APIP: variants seen among roughly 807,000 people sequenced by gnomAD.
The protein encoded by APIP is methylthioribulose-1-phosphate dehydratase.
Under a neutral mutation model 32.0 loss-of-function variants are expected in APIP, and 32 were observed. The observed-to-expected ratio is 1.00, with a 90% CI of 0.76 to 1.34. APIP has a LOEUF of 1.34. APIP is among the 40% of genes most tolerant of loss of function. The pLI is 0.00. For missense variants in APIP, 247 were observed against 298.6 expected (o/e 0.83, Z 1.27); for synonymous variants, 92 against 94.8 (o/e 0.97, Z 0.17).
At chr11:34,916,155 C>T in intron 1 of APIP, 73 bp downstream of exon 1, 1 of 1,554,908 alleles carries the variant, frequency 6.4e-7, no homozygotes, top group Non-Finnish European at 8.7e-7. Context: ...TACCCTGCGC[C>T]CAGCTCCAGC....
intron 2 of APIP, among the ~76,000 whole-genome samples, chr11:34,891,981 A>T (rs1416544342): frequency 6.6e-6 from 1 of 152,168 alleles, no homozygotes; most frequent in Non-Finnish European, 1.5e-5. Flanking sequence ...TCCTGGGAAT[A>T]GACTCAAATA....
chr11:34,883,981 G>T (rs916445853), intron 5 of APIP, among the ~76,000 whole-genome samples: 1 of 152,102 alleles, frequency 6.6e-6, no homozygotes, highest in Non-Finnish European at 1.5e-5. Context: ...AAAAACACAA[G>T]CATGGTTTGT....
At chr11:34,899,509 AG>A (rs1214350996) in intron 1 of APIP, among the ~76,000 whole-genome samples, 1 of 152,246 alleles carries the variant, frequency 6.6e-6, no homozygotes, top group Non-Finnish European at 1.5e-5. Flanking sequence ...CATTTTTCTA[AG>A]GGTAAATGCT....
chr11:34,903,843 C>G (rs1344599497), intron 1 of APIP, among the ~76,000 whole-genome samples: 2 of 152,136 alleles, frequency 1.3e-5, no homozygotes, highest in Non-Finnish European at 2.9e-5. Context: ...CAGAGGATGG[C>G]AAACACCACT....
rs35924042 is a variant in APIP at position 34,916,134 on chromosome 11, G to C, written c.57+94C>G. 3.4e-5 allele frequency: 51 copies of C among 1,499,308 alleles called. No individual in the cohort carries two copies. The African/African-American group carries it at 6.2e-4, about 18-fold the overall frequency. The allele number at this position is 1,499,308 out of a possible 1,614,324, so 92.9% of individuals were successfully genotyped here. A position where few individuals can be genotyped will look rare whatever the true frequency, so the allele number is the denominator to read the frequency against. ...CCGAAACCCCGCCCCGCAGCTAAAC[G>C]CCCGGCCCGCTACCCTGCGCCCAGC... is the stretch of plus-strand genomic sequence containing the variant. On this transcript the variant is annotated intron_variant, in intron 1 of 6. Transcript: ENST00000395787.
At position 34,890,501 on chromosome 11, in the gene APIP, T is replaced by C. The variant is rs370282315; in HGVS notation, c.207+3A>G. The C allele has an allele frequency of 6.2e-7, 1 of 1,608,542 alleles. No individual in the cohort carries two copies. The highest frequency in any genetic ancestry group is 1.7e-5 in the Admixed American group (1 of 59,468). On this transcript the variant is annotated splice_donor_region_variant and intron_variant, in intron 3 of 6. Coordinates refer to ENST00000395787, the MANE Select transcript of APIP (RefSeq NM_015957.4). ...CTGAGGTTAAAGAATCCCATTACCA[T>C]ACCTGAATTCGTTCCTTTTGCACTC...
intron 1 of APIP, among the ~76,000 whole-genome samples, chr11:34,901,352 G>A (rs969200893): frequency 1.3e-5 from 2 of 151,110 alleles, no homozygotes; most frequent in Non-Finnish European, 1.5e-5. Flanking sequence ...AGGTCACTGG[G>A]TTCAGAACCA....
chr11:34,897,998 C>A (rs1011108640), intron 1 of APIP, among the ~76,000 whole-genome samples: 1 of 152,028 alleles, frequency 6.6e-6, no homozygotes, highest in African/African-American at 2.4e-5. Context: ...GAGCTTCTTT[C>A]TTCTTTCTTA....
chr11:34,896,130 G>T (rs964607293), intron 1 of APIP, among the ~76,000 whole-genome samples: 3 of 152,184 alleles, frequency 2.0e-5, no homozygotes, highest in African/African-American at 7.2e-5. Flanking sequence ...GGAGAAATAG[G>T]AATGCTTTTA....
At position 34,914,835 on chromosome 11, in the gene APIP, C is replaced by A. The variant is rs2133928173; in HGVS notation, c.57+1393G>T. 2.0e-5 allele frequency among the ~76,000 whole-genome samples: 3 copies of A among 152,000 alleles called. No individual in the cohort carries two copies. The South Asian group carries it at 6.2e-4, about 32-fold the overall frequency. ...CCTGGCCAACATGGTGAAACCCAGTCTCTACTAAAAATACAAAAATTAACT... is the reference window on the plus strand; with the variant it reads ...CCTGGCCAACATGGTGAAACCCAGTATCTACTAAAAATACAAAAATTAACT... On this transcript the variant is annotated intron_variant, in intron 1 of 6. Transcript: ENST00000395787.
chr11:34,893,544 AAATAAT>A (rs1853213874), intron 2 of APIP, among the ~76,000 whole-genome samples: 1 of 152,256 alleles, frequency 6.6e-6, no homozygotes, highest in African/African-American at 2.4e-5. Flanking sequence ...AGTTTTGGCA[AAATAAT>A]GTGAAAGCTT....
chr11:34,898,785 GGTTTTTTTTTTT>G (rs1452924866), intron 1 of APIP, among the ~76,000 whole-genome samples: 1 of 92,114 alleles, frequency 1.1e-5, no homozygotes, highest in African/African-American at 4.4e-5. Context: ...TTCTTTCTTT[GGTTTTTTTTTTT>G]TTTTTTTTTT....
At chr11:34,890,860 A>G (rs1407944025) in intron 2 of APIP, 3 of 191,456 alleles carry the variant, frequency 1.6e-5, no homozygotes, top group Admixed American at 6.1e-5. Context: ...ATCTGAAAAC[A>G]TAAGTTTTCA....
chr11:34,891,829 C>CA (rs1853191502), intron 2 of APIP, among the ~76,000 whole-genome samples: 1 of 152,146 alleles, frequency 6.6e-6, no homozygotes, highest in Admixed American at 6.5e-5. Context: ...ATACTATTAA[C>CA]AAGGGCTCTT....
At chr11:34,914,118 C>G (rs1853606484) in intron 1 of APIP, among the ~76,000 whole-genome samples, 1 of 152,188 alleles carries the variant, frequency 6.6e-6, no homozygotes, top group Non-Finnish European at 1.5e-5. Context: ...TTCACTGTTT[C>G]CTGAGGTATT....
intron 1 of APIP, among the ~76,000 whole-genome samples, chr11:34,909,241 GA>G (rs1853504670): frequency 6.6e-6 from 1 of 152,042 alleles, no homozygotes; most frequent in Admixed American, 6.5e-5. Flanking sequence ...ATGTGGGTCA[GA>G]AACATTACCA....
chr11:34,908,135 A>G (rs1412782193), intron 1 of APIP, among the ~76,000 whole-genome samples: 1 of 152,234 alleles, frequency 6.6e-6, no homozygotes, highest in Non-Finnish European at 1.5e-5. Flanking sequence ...CATACATAAT[A>G]TAAGTAACGA....
intron 3 of APIP, among the ~76,000 whole-genome samples, chr11:34,889,845 A>G (rs990735250): frequency 6.6e-6 from 1 of 152,148 alleles, no homozygotes; most frequent in African/African-American, 2.4e-5. Flanking sequence ...ATACTAATCC[A>G]TGGTATATAT....
intron 2 of APIP, 104 bp downstream of exon 2, chr11:34,894,906 C>G: frequency 2.0e-6 from 2 of 987,786 alleles, no homozygotes; most frequent in Non-Finnish European, 3.2e-6. Flanking sequence ...CCTTCAGTAT[C>G]ACATAAAACT....
Sources: allele counts gnomAD v4.1 joint callset (sites outside exome capture counted in the v4.1 genomes callset), GRCh38; gene constraint gnomAD v4.1.1; transcripts MANE v1.5; gene names NCBI Gene and HGNC (gene_info 2026-07-23, HGNC 2026-07-21).